The following FSCN2 variants were observed in gnomAD, a reference collection of about 807,000 sequenced individuals.
FSCN2 encodes fascin actin-bundling protein 2, retinal.
FSCN2 carries 46 observed loss-of-function variants against 37.8 expected under a neutral mutation model. The observed-to-expected ratio is 1.22, with a 90% CI of 0.96 to 1.56. The LOEUF (loss-of-function observed/expected upper bound fraction) is 1.56. Ranked by LOEUF, FSCN2 falls within the 40% of genes most tolerant of loss-of-function variation. The pLI is 0.00. For synonymous variants in FSCN2, 351 were observed against 309.4 expected (o/e 1.13, Z -1.41); for missense variants, 844 against 730.4 (o/e 1.16, Z -1.79).
At position 81,531,384 on chromosome 17, in the gene FSCN2, G is replaced by A. The variant is rs200670068; in HGVS notation, c.826+2027G>A. 4.2e-4 allele frequency among the ~76,000 whole-genome samples: 31 copies of A among 74,338 alleles called. 1 individual carries two copies. Among genetic ancestry groups the A allele is most frequent in the African/African-American group, 1.3e-3 (25 of 18,638 alleles). 48.8% of individuals were successfully genotyped at this position (74,338 alleles called of 152,430 possible). A position where few individuals can be genotyped will look rare whatever the true frequency, so the allele number is the denominator to read the frequency against. On this transcript the variant is annotated intron_variant, in intron 1 of 4. Coordinates refer to ENST00000417245, the MANE Select transcript of FSCN2 (RefSeq NM_012418.4). ...GGTGATGATGGTGGTGGTGATGGTG[G>A]TGATGGTGATGATGGTGATGGTGAT...
chr17:81,534,980 C>T, intron 1 of FSCN2, 72 bp from the exon 2 acceptor site: 2 of 1,222,764 alleles, frequency 1.6e-6, no homozygotes, highest in Non-Finnish European at 2.2e-6. Context: ...AGGGGTGCCC[C>T]CCAAAATATG....
intron 3 of FSCN2, 85 bp downstream of exon 3, chr17:81,536,352 G>C: frequency 6.6e-7 from 1 of 1,508,314 alleles, no homozygotes; most frequent in Non-Finnish European, 8.9e-7. Context: ...TCTCCACCAA[G>C]AGCTGGACCC....
upstream of FSCN2, chr17:81,527,917 C>G: frequency 6.5e-6 from 1 of 154,938 alleles, no homozygotes; most frequent in Non-Finnish European, 1.4e-5. Flanking sequence ...TGGCTGGGGT[C>G]CTTGCTATGC....
the FSCN2 span, among the ~76,000 whole-genome samples, chr17:81,516,433 C>T: frequency 2.0e-5 from 3 of 152,244 alleles, no homozygotes; most frequent in Non-Finnish European, 2.9e-5. Context: ...CTTCCCTACT[C>T]TCAGCCCACC....
Position 81,529,009 on chromosome 17 carries a change from G to A in FSCN2, c.478G>A (p.Glu160Lys), listed in dbSNP as rs782644199. The change falls in exon 1 of 5, where the codon GAG (glutamate) becomes AAG (lysine). Residue 160 changes from glutamate to lysine, a missense_variant. Coordinates refer to ENST00000417245, the MANE Select transcript of FSCN2 (RefSeq NM_012418.4). ...CGTGCACCTGTGCCCGCGGGAGGAC[G>A]AGATGGCCGCAGACGGAGACAAGCC... ...RYVHLCPRED[E>K]MAADGDKPWG... is the part of the protein sequence containing the mutation. 7.4e-5 allele frequency: 118 copies of A among 1,584,840 alleles called. 1 individual carries two copies. The highest frequency in any genetic ancestry group is 8.2e-5 in the Non-Finnish European group (96 of 1,170,434).
chr17:81,531,534 G>GTGATGATGA (rs2032602014), intron 1 of FSCN2, among the ~76,000 whole-genome samples: 1 of 88,756 alleles, frequency 1.1e-5, no homozygotes, highest in African/African-American at 3.9e-5. Context: ...GATGGCGATG[G>GTGATGATGA]TGGTGATGAT....
chr17:81,524,658 T>TG (rs1200060460), upstream of FSCN2, among the ~76,000 whole-genome samples: 1 of 152,130 alleles, frequency 6.6e-6, no homozygotes, highest in African/African-American at 2.4e-5. Context: ...CTGAGAACAC[T>TG]GCAGGGGGCT....
At chr17:81,529,500 T>C (rs1568075647) in intron 1 of FSCN2, 143 bp downstream of exon 1, 4 of 825,010 alleles carry the variant, frequency 4.8e-6, no homozygotes, top group Non-Finnish European at 6.2e-6. Context: ...ATGTGGGACA[T>C]GTGTGGCCAC....
In FSCN2 at chr17:81,532,425, GTGA is replaced by G. The variant is rs1270486310; in HGVS notation, c.827-2622_827-2620del. 1.2e-4 allele frequency among the ~76,000 whole-genome samples: 13 copies of G among 110,710 alleles called. No individual in the cohort carries two copies. In the East Asian group the frequency reaches 2.1e-3, roughly 18 times the overall value. The allele number at this position is 110,710 out of a possible 152,430, so 72.6% of individuals were successfully genotyped here. On this transcript the variant is annotated intron_variant, in intron 1 of 4. Transcript: ENST00000417245. ...GATAGTGATGGTGATGATGGTGATG[GTGA>G]TGATAATGGTGATGATGATGGTGAT... is the stretch of plus-strand genomic sequence containing the variant.
At chr17:81,535,022 G>A (rs1382285086) in intron 1 of FSCN2, 30 bp from the exon 2 acceptor site, 14 of 1,505,896 alleles carry the variant, frequency 9.3e-6, no homozygotes, top group African/African-American at 2.8e-5. Context: ...CAGGAGAGGC[G>A]TGAGGGGCTT....
Position 81,536,798 on chromosome 17 carries a change from C to G in FSCN2, c.1273+9C>G. On this transcript the variant is annotated intron_variant, in intron 4 of 4. Coordinates refer to ENST00000417245, the MANE Select transcript of FSCN2 (RefSeq NM_012418.4). ...CGCCTACCGGATCCGAGGTGCGTGG[C>G]GGGGCGGGTGGGCACGCGGGAGCGG... 7.6e-7 allele frequency: 1 copy of G among 1,315,140 alleles called. No homozygotes were observed. The highest frequency in any genetic ancestry group is 1.1e-6 in the Non-Finnish European group (1 of 947,038). 81.5% of individuals were successfully genotyped at this position (1,315,140 alleles called of 1,614,324 possible).
Position 81,529,005 on chromosome 17 carries a change from GGAC to G in FSCN2, c.477_479del (p.Asp159del). On this transcript the variant is annotated inframe_deletion, in exon 1 of 5. Coordinates refer to ENST00000417245, the MANE Select transcript of FSCN2 (RefSeq NM_012418.4). ...GCTACGTGCACCTGTGCCCGCGGGA[GGAC>G]GAGATGGCCGCAGACGGAGACAAGC... 2 of 1,584,298 alleles carry G rather than the reference GGAC, an allele frequency of 1.3e-6. No homozygotes were observed. Among genetic ancestry groups the G allele is most frequent in the Non-Finnish European group, 8.5e-7 (1 of 1,170,156 alleles).
chr17:81,529,303 C>A lies in FSCN2; in HGVS notation c.772C>A (p.His258Asn), dbSNP rs1555670838. The change falls in exon 1 of 5, where the codon CAC becomes AAC. Residue 258 changes from histidine (H) to asparagine (N), a missense_variant. By Grantham distance (68) the His-to-Asn change is moderately conservative. Coordinates refer to ENST00000417245, the MANE Select transcript of FSCN2 (RefSeq NM_012418.4). The part of the protein sequence containing the change: ...KDELFDLEES[H>N]PQVVLVAANH... ...TGAGCTCTTTGATCTGGAGGAGAGT[C>A]ACCCACAGGTGGTGCTGGTGGCTGC... 9 of 1,571,662 alleles carry A rather than the reference C, an allele frequency of 5.7e-6. No individual in the cohort carries two copies. The highest frequency in any genetic ancestry group is 6.9e-6 in the Non-Finnish European group (8 of 1,157,026).
chr17:81,532,626 ATGATGG>A (rs1342574864), intron 1 of FSCN2, among the ~76,000 whole-genome samples: 24 of 133,218 alleles, frequency 1.8e-4, no homozygotes, highest in Admixed American at 1.1e-3. Flanking sequence ...GATAATGGTG[ATGATGG>A]TGATGGTGAT....
intron 1 of FSCN2, chr17:81,530,021 A>G (rs782049012): frequency 2.8e-4 from 79 of 282,920 alleles, no homozygotes; most frequent in African/African-American, 7.5e-4. Context: ...TGTGTTAGCC[A>G]GGATGGTCTT....
Position 81,529,334 on chromosome 17 carries a change from A to G in FSCN2, c.803A>G (p.His268Arg), listed in dbSNP as rs2032471666. The change falls in exon 1 of 5, where the codon CAC (histidine) becomes CGC (arginine). Residue 268 changes from histidine to arginine, a missense_variant. Coordinates refer to ENST00000417245, the MANE Select transcript of FSCN2 (RefSeq NM_012418.4). Reference sequence around the variant, plus strand: ...CAGGTGGTGCTGGTGGCTGCCAACCACCGCTACGTCTCTGTGCGGCAAGGT... The same window carrying G: ...CAGGTGGTGCTGGTGGCTGCCAACCGCCGCTACGTCTCTGTGCGGCAAGGT... ...HPQVVLVAAN[H>R]RYVSVRQGVN... 8 of 1,551,706 alleles carry G rather than the reference A, an allele frequency of 5.2e-6. No homozygotes were observed. The highest frequency in any genetic ancestry group is 7.0e-6 in the Non-Finnish European group (8 of 1,147,050).
In FSCN2 at chr17:81,529,056, C is replaced by T; in HGVS notation, c.525C>T (p.Leu175=). Residue 175 remains leucine, a synonymous_variant, in exon 1 of 5, where the codon CTC becomes CTT. Transcript: ENST00000417245. ...AGCCCTGGGGCGTGGACGCCCTCCT[C>T]ACCCTCATCTTCCGGAGCCGACGGT... ...GDKPWGVDAL[L]TLIFRSRRYC... 1.3e-6 allele frequency: 2 copies of T among 1,592,120 alleles called. No individual in the cohort carries two copies. Among genetic ancestry groups the T allele is most frequent in the South Asian group, 2.3e-5 (2 of 88,120 alleles).
intron 1 of FSCN2, among the ~76,000 whole-genome samples, chr17:81,531,795 ATGATAATGGTGATGATGGTGG>A (rs2032636786): frequency 1.9e-5 from 1 of 53,520 alleles, no homozygotes; most frequent in East Asian, 3.5e-3. Context: ...GATGGTGATG[ATGATAATGGTGATGATGGTGG>A]TGGTGATGGT....
the FSCN2 span, among the ~76,000 whole-genome samples, chr17:81,518,100 T>C: frequency 6.6e-6 from 1 of 152,140 alleles, no homozygotes; most frequent in South Asian, 2.1e-4. Flanking sequence ...CTAAGCCCCT[T>C]CCCCTGGTGC....
Sources: allele counts gnomAD v4.1 joint callset (sites outside exome capture counted in the v4.1 genomes callset), GRCh38; gene constraint gnomAD v4.1.1; transcripts MANE v1.5; gene names NCBI Gene and HGNC (gene_info 2026-07-23, HGNC 2026-07-21).